HEPH: variants seen among roughly 807,000 people sequenced by gnomAD.
HEPH encodes the protein hephaestin.
A neutral mutation model predicts 80.8 loss-of-function variants in HEPH; 69 were observed. That is an observed-to-expected ratio of 0.85 (90% CI 0.70 to 1.04). HEPH has a LOEUF of 1.04. HEPH is among the 50% of genes least tolerant of loss of function. The pLI, the probability that HEPH is intolerant of heterozygous loss-of-function variation, is 0.00. For synonymous variants in HEPH, 431 were observed against 322.8 expected (o/e 1.34, Z -3.60); for missense variants, 1,115 against 891.3 (o/e 1.25, Z -3.20).
At chrX:66,197,253 GA>G (rs1315469451) in intron 9 of HEPH, among the ~76,000 whole-genome samples, 1 of 109,610 alleles carries the variant, frequency 9.1e-6, no homozygotes, top group Admixed American at 9.8e-5. Flanking sequence ...CATATTAAAA[GA>G]AAAAAATTAA....
At position 66,200,726 on chromosome X, in the gene HEPH, T is replaced by C; in HGVS notation, c.2051T>C (p.Met684Thr). The change falls in exon 12 of 21, where the codon ATG becomes ACG. Residue 684 changes from methionine to threonine, a missense_variant. Physicochemically the swap from Met to Thr is moderately conservative, Grantham distance 81 (BLOSUM62 -1). Transcript: ENST00000343002. ...ATGCTCTTTCCTCATACCTTTGTCA[T>C]GGCCATCATGCAGCCTGACAACCTT... The part of the protein sequence containing the change: ...AAMLFPHTFV[M>T]AIMQPDNLGT... The C allele has an allele frequency of 8.3e-7, 1 of 1,210,745 alleles. No individual in the cohort carries two copies.
At chrX:66,246,318 G>A (rs985902567) in intron 15 of HEPH, among the ~76,000 whole-genome samples, 15 of 111,950 alleles carry the variant, frequency 1.3e-4, no homozygotes, top group South Asian at 1.1e-3. Flanking sequence ...CCATCTGGGT[G>A]CTTTTTAAGA....
chrX:66,173,754 GA>G lies in HEPH; in HGVS notation c.579del (p.Asp194ThrfsTer6). ...WIYHSHVDAPRDIATGLIGPL... is the reference protein window; with the variant it reads ...WIYHSHVDAPXDIATGLIGPL... Reference sequence around the variant, plus strand: ...TACCATTCTCATGTAGATGCTCCACGAGACATTGCAACTGGCCTAATTGGGC... The same window carrying G: ...TACCATTCTCATGTAGATGCTCCACGGACATTGCAACTGGCCTAATTGGGC... On this transcript the variant is annotated frameshift_variant, in exon 4 of 21. Transcript: ENST00000343002. LOFTEE classifies it high-confidence loss of function. The G allele has an allele frequency of 8.3e-7, 1 of 1,204,929 alleles. No individual in the cohort carries two copies. The highest frequency in any genetic ancestry group is 1.1e-6 in the Non-Finnish European group (1 of 891,979).
At chrX:66,217,528 A>G (rs1365895264) in intron 15 of HEPH, among the ~76,000 whole-genome samples, 1 of 111,850 alleles carries the variant, frequency 8.9e-6, no homozygotes, top group Non-Finnish European at 1.9e-5. Flanking sequence ...AGAACTGCTA[A>G]AAGGAACTCT....
intron 19 of HEPH, among the ~76,000 whole-genome samples, chrX:66,260,798 G>T (rs772859806): frequency 5.3e-4 from 57 of 107,786 alleles, no homozygotes; most frequent in Non-Finnish European, 9.6e-4. Flanking sequence ...TAAAGGTCTT[G>T]ATCTGTCACC....
Position 66,256,187 on chromosome X carries a change from A to G in HEPH, c.2753A>G (p.Asp918Gly). 8.3e-7 allele frequency: 1 copy of G among 1,211,402 alleles called. No individual in the cohort carries two copies. The highest frequency in any genetic ancestry group is 1.1e-6 in the Non-Finnish European group (1 of 895,127). Reference protein sequence around the residue: ...LEPHGGRSDMDREFALLFLIF... With the variant: ...LEPHGGRSDMGREFALLFLIF... ...CCCCATGGAGGACGGAGTGACATGGATCGGGAATTTGCATTGTTGTTCTTG... is the reference window on the plus strand; with the variant it reads ...CCCCATGGAGGACGGAGTGACATGGGTCGGGAATTTGCATTGTTGTTCTTG... The change falls in exon 17 of 21, where the codon GAT becomes GGT. Residue 918 changes from aspartate (D) to glycine (G), a missense_variant. By Grantham distance (94) the Asp-to-Gly change is moderately conservative. This residue lies in a region of HEPH where 716 missense variants were observed against 523.5 expected (regional missense o/e 1.37). Transcript: ENST00000343002.
chrX:66,213,762 G>A (rs1477728372), intron 15 of HEPH, among the ~76,000 whole-genome samples: 1 of 111,609 alleles, frequency 9.0e-6, no homozygotes, highest in Non-Finnish European at 1.9e-5. Context: ...AATAATTAAA[G>A]TGACATGATA....
intron 13 of HEPH, 96 bp downstream of exon 13, chrX:66,203,673 C>T: frequency 1.4e-6 from 1 of 731,624 alleles, no homozygotes. Context: ...TATCTCAGGT[C>T]TCCTAATGTG....
intron 15 of HEPH, among the ~76,000 whole-genome samples, chrX:66,232,826 T>G (rs762783546): frequency 1.8e-5 from 2 of 111,168 alleles, no homozygotes; most frequent in South Asian, 7.6e-4. Context: ...CCAGATTTAC[T>G]TTTTTTAGGG....
rs370634918 is a variant in HEPH, at chrX:66,199,051, G to C, written c.1864+23G>C. 4 of 1,187,279 alleles carry C rather than the reference G, an allele frequency of 3.4e-6. No individual in the cohort carries two copies. The African/African-American group carries it at 7.1e-5, about 21-fold the overall frequency. ...ATGGTATGGGGAGTACTTTTGCCCTGGGCTAAATTGAGGGTCCCAAGTAAA... is the reference window on the plus strand; with the variant it reads ...ATGGTATGGGGAGTACTTTTGCCCTCGGCTAAATTGAGGGTCCCAAGTAAA... On this transcript the variant is annotated intron_variant, in intron 11 of 20. Transcript: ENST00000343002.
intron 15 of HEPH, among the ~76,000 whole-genome samples, chrX:66,208,832 A>G (rs1602349092): frequency 9.4e-6 from 1 of 106,599 alleles, no homozygotes; most frequent in Non-Finnish European, 1.9e-5. Context: ...TGGATACAGT[A>G]TGAGCTCCTA....
chrX:66,186,754 A>G (rs1186878024), intron 4 of HEPH, among the ~76,000 whole-genome samples: 3 of 112,088 alleles, frequency 2.7e-5, no homozygotes, highest in Non-Finnish European at 5.6e-5. Context: ...TGCTTCTTGT[A>G]TTTGGATGTC....
chrX:66,212,276 C>T (rs2089174531), intron 15 of HEPH, among the ~76,000 whole-genome samples: 1 of 104,958 alleles, frequency 9.5e-6, no homozygotes, highest in Admixed American at 1.0e-4. Context: ...ATTTTTTTTT[C>T]CCATTCAGCA....
Position 66,198,928 on chromosome X carries a change from C to A in HEPH, c.1764C>A (p.Asn588Lys). The change falls in exon 11 of 21, where the codon AAC becomes AAA. Residue 588 changes from asparagine to lysine, a missense_variant. Around this residue, in one of 3 missense-constraint regions of HEPH, gnomAD observed 716 missense variants for 523.5 expected, o/e 1.37. Transcript: ENST00000343002. Reference protein sequence around the residue: ...FFLLFTVLDENKSWYSNANQA... With the variant: ...FFLLFTVLDEKKSWYSNANQA... The stretch of plus-strand genomic sequence containing the variant: ...TTCTCTTCACTGTGTTGGATGAGAA[C>A]AAGAGCTGGTACAGCAATGCCAATC... 8.3e-7 allele frequency: 1 copy of A among 1,202,077 alleles called. No homozygotes were observed. Among genetic ancestry groups the A allele is most frequent in the Non-Finnish European group, 1.1e-6 (1 of 886,620 alleles).
chrX:66,207,360 G>C, intron 14 of HEPH, 26 bp downstream of exon 14: 2 of 1,124,046 alleles, frequency 1.8e-6, no homozygotes, highest in Middle Eastern at 2.5e-4. Context: ...TTCCCTCCTA[G>C]TGTTTAGCAG....
At chrX:66,239,375 T>A (rs2090483030) in intron 15 of HEPH, among the ~76,000 whole-genome samples, 1 of 111,745 alleles carries the variant, frequency 8.9e-6, no homozygotes, top group Non-Finnish European at 1.9e-5. Context: ...ATTCTCAGTA[T>A]CTTCCATTTG....
Position 66,192,204 on chromosome X carries a change from C to G in HEPH, c.1138C>G (p.Arg380Gly). ...TGTGGACCTGCTCACAGGCAAAGTT[C>G]GACAGTACTTCATTGAGGCCCATGA... Reference protein sequence around the residue: ...PPVDLLTGKVRQYFIEAHEIQ... With the variant: ...PPVDLLTGKVGQYFIEAHEIQ... The change falls in exon 7 of 21, where the codon CGA becomes GGA. Residue 380 changes from arginine (R) to glycine (G), a missense_variant. Physicochemically the swap from Arg to Gly is moderately radical, Grantham distance 125. Coordinates refer to ENST00000343002, the MANE Select transcript of HEPH (RefSeq NM_001367233.3). 1.7e-6 allele frequency: 2 copies of G among 1,210,468 alleles called. No individual in the cohort carries two copies. Among genetic ancestry groups the G allele is most frequent in the Non-Finnish European group, 2.2e-6 (2 of 894,776 alleles).
chrX:66,186,583 T>C (rs900597636), intron 4 of HEPH, among the ~76,000 whole-genome samples: 1 of 112,451 alleles, frequency 8.9e-6, no homozygotes, highest in Non-Finnish European at 1.9e-5. Context: ...GCACACACAC[T>C]GGCCTGCGCC....
At chrX:66,164,082 T>C (rs2086264084), upstream of HEPH, 1 of 267,876 alleles carries the variant, frequency 3.7e-6, no homozygotes, top group South Asian at 1.9e-4. Context: ...ACACTGACAG[T>C]GTTCTCCTCT....
Sources: allele counts gnomAD v4.1 joint callset (sites outside exome capture counted in the v4.1 genomes callset), GRCh38; gene constraint gnomAD v4.1.1; regional missense constraint gnomAD v4.1.1; transcripts MANE v1.5; gene names NCBI Gene and HGNC (gene_info 2026-07-23, HGNC 2026-07-21).